TOP2B: variants seen among roughly 807,000 people sequenced by gnomAD.
TOP2B encodes the protein DNA topoisomerase 2-beta.
TOP2B carries 51 observed loss-of-function variants against 193.5 expected under a neutral mutation model. That is an observed-to-expected ratio of 0.26 (90% CI 0.21 to 0.33). The LOEUF is 0.33. Ranked by LOEUF, TOP2B falls within the 10% of genes least tolerant of loss-of-function variation. The probability of loss-of-function intolerance (pLI) is 1.00; values close to 1 mark genes in which losing one functional copy is unlikely to be tolerated. For synonymous variants in TOP2B, 634 were observed against 635.7 expected, an observed-to-expected ratio of 1.00 and a Z score of 0.04; for missense variants, 1,378 against 1,909.3, an observed-to-expected ratio of 0.72 and a Z score of 5.19.
chr3:25,638,686 A>G (rs950669127), intron 4 of TOP2B, among the ~76,000 whole-genome samples: 13 of 152,060 alleles, frequency 8.5e-5, no homozygotes, highest in African/African-American at 3.1e-4. Context: ...TCTGTAAGTT[A>G]ATTATCTTCA....
At chr3:25,612,747 C>G (rs1334415119) in intron 27 of TOP2B, 38 bp from the exon 28 acceptor site, 1 of 1,516,384 alleles carries the variant, frequency 6.6e-7, no homozygotes, top group Non-Finnish European at 9.1e-7. Context: ...ACATAAACAA[C>G]TTCTTAGAAA....
chr3:25,650,255 A>G (rs2125402662), intron 1 of TOP2B, among the ~76,000 whole-genome samples: 1 of 152,352 alleles, frequency 6.6e-6, no homozygotes, highest in Non-Finnish European at 1.5e-5. Context: ...CTTTCTCAAA[A>G]CACTCTTATA....
intron 3 of TOP2B, 70 bp from the exon 4 acceptor site, chr3:25,642,455 G>A: frequency 1.1e-6 from 1 of 872,242 alleles, no homozygotes; most frequent in South Asian, 1.8e-5. Flanking sequence ...ACAACTGTAT[G>A]TGCATCACTG....
chr3:25,635,843 A>C, intron 7 of TOP2B, 93 bp downstream of exon 7: 1 of 1,006,310 alleles, frequency 9.9e-7, no homozygotes, highest in Non-Finnish European at 1.5e-6. Flanking sequence ...CACCAGTAAA[A>C]GAGACTACCA....
intron 7 of TOP2B, among the ~76,000 whole-genome samples, chr3:25,634,701 C>A (rs997447403): frequency 6.7e-6 from 1 of 150,040 alleles, no homozygotes; most frequent in Admixed American, 6.7e-5. Context: ...GAGGTTTCCC[C>A]TCTGCACTCC....
At chr3:25,631,579 G>A (rs1188355081) in intron 10 of TOP2B, among the ~76,000 whole-genome samples, 1 of 151,954 alleles carries the variant, frequency 6.6e-6, no homozygotes, top group Admixed American at 6.6e-5. Flanking sequence ...TTGATGTTAG[G>A]TGTATAAAAC....
At chr3:25,633,791 T>G (rs754338322) in intron 8 of TOP2B, 50 bp downstream of exon 8, 4 of 1,431,394 alleles carry the variant, frequency 2.8e-6, no homozygotes, top group Admixed American at 5.0e-5. Flanking sequence ...TAGTTTTTAT[T>G]GAAGTACTGT....
chr3:25,635,987 C>T lies in TOP2B; in HGVS notation c.801G>A (p.Leu267=). 1 of 1,613,374 alleles carries T rather than the reference C, an allele frequency of 6.2e-7. No individual in the cohort carries two copies. The highest frequency in any genetic ancestry group is 8.5e-7 in the Non-Finnish European group (1 of 1,179,474). Residue 267 remains leucine (L), a synonymous_variant, in exon 7 of 36, where the codon TTG becomes TTA. Coordinates refer to ENST00000264331, the MANE Select transcript of TOP2B (RefSeq NM_001330700.2). ...VALMTRRAYD[L]AGSCRGVKVM... is the part of the protein sequence containing the mutation. Reference sequence around the variant, plus strand: ...CCTTGACCCCTCTACACGAACCAGCCAAATCATATGCCCTTCTAGTCATGA... The same window carrying T: ...CCTTGACCCCTCTACACGAACCAGCTAAATCATATGCCCTTCTAGTCATGA...
In TOP2B at chr3:25,629,186, T is replaced by C; in HGVS notation, c.1690-41A>G. On this transcript the variant is annotated intron_variant, in intron 13 of 35. Coordinates refer to ENST00000264331, the MANE Select transcript of TOP2B (RefSeq NM_001330700.2). ...TAAAGTAAAAAATGTTGTAATACTT[T>C]TATAAAATGATTACTTATATAAACA... The C allele has an allele frequency of 1.4e-6, 2 of 1,384,196 alleles. 1 individual carries two copies. The highest frequency in any genetic ancestry group is 2.8e-5 in the South Asian group (2 of 70,600). The allele number at this position is 1,384,196 out of a possible 1,614,324, so 85.7% of individuals were successfully genotyped here.
intron 23 of TOP2B, among the ~76,000 whole-genome samples, chr3:25,619,346 C>T (rs1252194646): frequency 2.0e-5 from 3 of 151,870 alleles, no homozygotes; most frequent in South Asian, 2.1e-4. Flanking sequence ...CCTTTCTCAG[C>T]GGATTATGGC....
chr3:25,606,215 T>G (rs1320778473), intron 31 of TOP2B, 93 bp from the exon 32 acceptor site: 2 of 601,730 alleles, frequency 3.3e-6, no homozygotes, highest in African/African-American at 3.8e-5. Context: ...TGCAGGATTA[T>G]AATCACAGAA....
At chr3:25,609,377 C>T (rs1192661076) in intron 29 of TOP2B, 33 bp from the exon 30 acceptor site, 2 of 1,527,454 alleles carry the variant, frequency 1.3e-6, no homozygotes, top group Non-Finnish European at 1.8e-6. Context: ...AGGTATGTAT[C>T]CATATTTATA....
intron 1 of TOP2B, among the ~76,000 whole-genome samples, chr3:25,648,123 G>C (rs1456429542): frequency 6.6e-6 from 1 of 152,240 alleles, no homozygotes; most frequent in African/African-American, 2.4e-5. Flanking sequence ...TGCTACCCTA[G>C]AAACTTCTTG....
At chr3:25,637,413 T>C (rs780715854) in intron 5 of TOP2B, 101 bp from the exon 6 acceptor site, 166 of 711,312 alleles carry the variant, frequency 2.3e-4, no homozygotes, top group Non-Finnish European at 3.7e-4. Flanking sequence ...ACTGTTCCAC[T>C]AACTGCATTA....
chr3:25,614,708 A>G (rs1241019775), intron 27 of TOP2B, among the ~76,000 whole-genome samples: 2 of 152,018 alleles, frequency 1.3e-5, no homozygotes, highest in African/African-American at 4.8e-5. Flanking sequence ...CATTAATTCC[A>G]ATATTTTAAT....
intron 1 of TOP2B, among the ~76,000 whole-genome samples, chr3:25,652,195 G>T (rs2125404589): frequency 6.6e-6 from 1 of 152,292 alleles, no homozygotes; most frequent in African/African-American, 2.4e-5. Flanking sequence ...TGACAGAAGT[G>T]AAGGGAGAGA....
chr3:25,607,167 T>G lies in TOP2B; in HGVS notation c.4298+4A>C, dbSNP rs1250051913. 1 of 1,612,892 alleles carries G rather than the reference T, an allele frequency of 6.2e-7. No individual in the cohort carries two copies. The highest frequency in any genetic ancestry group is 1.7e-5 in the Admixed American group (1 of 59,932). On this transcript the variant is annotated splice_donor_region_variant and intron_variant, in intron 31 of 35. Transcript: ENST00000264331. Reference sequence around the variant, plus strand: ...ATACCACATCACTAAATAGCATTACTTACTCTGGAGTGGCTTTTGATTTGC... The same window carrying G: ...ATACCACATCACTAAATAGCATTACGTACTCTGGAGTGGCTTTTGATTTGC...
At chr3:25,619,752 A>G in intron 23 of TOP2B, 110 bp downstream of exon 23, 2 of 737,018 alleles carry the variant, frequency 2.7e-6, no homozygotes, top group South Asian at 1.9e-5. Flanking sequence ...AAAAAAAAAA[A>G]AAAAATGCCT....
intron 25 of TOP2B, 163 bp downstream of exon 25, chr3:25,618,255 T>C: frequency 3.3e-6 from 2 of 600,748 alleles, no homozygotes; most frequent in Non-Finnish European, 2.9e-6. Flanking sequence ...TATAAATTCC[T>C]GTACTTTATC....
Sources: gnomAD v4.1 joint callset for allele counts (sites outside exome capture counted in the v4.1 genomes callset) on GRCh38, gnomAD v4.1.1 for gene constraint, MANE v1.5 for transcripts, NCBI Gene and HGNC (gene_info 2026-07-23, HGNC 2026-07-21) for gene names.